PLCL1: variants seen among roughly 807,000 people sequenced by gnomAD.
PLCL1 encodes the protein inactive phospholipase C-like protein 1.
In PLCL1, 41 loss-of-function variants were observed where a neutral mutation model predicts 84.4. That is an observed-to-expected ratio of 0.49 (90% CI 0.38 to 0.63). The LOEUF is 0.63. Ranked by LOEUF, PLCL1 falls within the 30% of genes least tolerant of loss-of-function variation. PLCL1 has a pLI of 0.00. For synonymous variants in PLCL1, 490 were observed against 488.3 expected (o/e 1.00, Z -0.05); for missense variants, 1,206 against 1,367.8 (o/e 0.88, Z 1.87).
At chr2:197,914,745 T>C (rs145737267) in intron 1 of PLCL1, among the ~76,000 whole-genome samples, 5 of 152,322 alleles carry the variant, frequency 3.3e-5, no homozygotes, top group Admixed American at 6.5e-5. Context: ...TAAACAGTTA[T>C]TGAATACCTA....
chr2:198,056,890 A>AAAAG (rs562517624), intron 1 of PLCL1, among the ~76,000 whole-genome samples: 166 of 152,302 alleles, frequency 1.1e-3, no homozygotes, highest in African/African-American at 3.8e-3. Context: ...CAGCAATGGC[A>AAAAG]AAAGATGAAT....
rs1214080087 is a variant in PLCL1, at chr2:198,089,080, A to G, written c.2919+19A>G. 5 of 1,586,992 alleles carry G rather than the reference A, an allele frequency of 3.2e-6. No homozygotes were observed. Among genetic ancestry groups the G allele is most frequent in the East Asian group, 2.2e-5 (1 of 44,782 alleles). ...TGATCTGGTAGGAAATTGCGACTCC[A>G]TATTTTTTTACGTGTGTGTGTGTGT... On this transcript the variant is annotated intron_variant, in intron 3 of 5. Coordinates refer to ENST00000428675, the MANE Select transcript of PLCL1 (RefSeq NM_006226.4).
intron 1 of PLCL1, among the ~76,000 whole-genome samples, chr2:197,924,760 T>TA (rs1688802249): frequency 2.0e-5 from 3 of 152,140 alleles, no homozygotes; most frequent in African/African-American, 7.2e-5. Context: ...AGTAGGAACG[T>TA]ATTCATTATA....
At chr2:198,071,085 G>T in intron 1 of PLCL1, 1 of 349,290 alleles carries the variant, frequency 2.9e-6, no homozygotes, top group Non-Finnish European at 3.8e-6. Context: ...TCTGTTATCT[G>T]CTTTTTAAGT....
At chr2:198,093,317 G>C (rs1379235499) in intron 3 of PLCL1, among the ~76,000 whole-genome samples, 1 of 152,196 alleles carries the variant, frequency 6.6e-6, no homozygotes, top group Non-Finnish European at 1.5e-5. Flanking sequence ...TGTATCAATA[G>C]TGGCTTGTCA....
chr2:197,899,635 C>CT (rs200198349), intron 1 of PLCL1, among the ~76,000 whole-genome samples: 96,203 of 138,650 alleles, frequency 0.69, 34,522 homozygotes, highest in African/African-American at 0.85. Flanking sequence ...TGAGTTCTTT[C>CT]TTTCTTTTTT....
chr2:198,143,540 T>C (rs1210934481), intron 5 of PLCL1, among the ~76,000 whole-genome samples: 1 of 151,836 alleles, frequency 6.6e-6, no homozygotes, highest in Non-Finnish European at 1.5e-5. Flanking sequence ...AGTTTGGGGG[T>C]GTTTGTGACA....
chr2:197,807,611 A>G (rs1225744842), intron 1 of PLCL1, among the ~76,000 whole-genome samples: 2 of 152,194 alleles, frequency 1.3e-5, no homozygotes, highest in Non-Finnish European at 2.9e-5. Flanking sequence ...GTTTCCAAAA[A>G]AAGTTTAGAT....
At chr2:197,920,313 G>T (rs1688679124) in intron 1 of PLCL1, among the ~76,000 whole-genome samples, 1 of 151,784 alleles carries the variant, frequency 6.6e-6, no homozygotes. Flanking sequence ...TTTTGATGTT[G>T]AGTGGTTTGT....
chr2:198,050,229 T>TC (rs1297385832), intron 1 of PLCL1, among the ~76,000 whole-genome samples: 1 of 152,180 alleles, frequency 6.6e-6, no homozygotes, highest in African/African-American at 2.4e-5. Context: ...CTGTTTTTTT[T>TC]CTGTACGTTT....
chr2:197,978,379 A>T (rs1320095372), intron 1 of PLCL1, among the ~76,000 whole-genome samples: 1 of 152,194 alleles, frequency 6.6e-6, no homozygotes, highest in African/African-American at 2.4e-5. Context: ...CGGGAGGCTG[A>T]GGCAGGAGAA....
At chr2:197,940,165 G>T (rs917403744) in intron 1 of PLCL1, among the ~76,000 whole-genome samples, 1 of 152,118 alleles carries the variant, frequency 6.6e-6, no homozygotes, top group Non-Finnish European at 1.5e-5. Context: ...TATATTTAAT[G>T]ATGTAGTATT....
intron 1 of PLCL1, among the ~76,000 whole-genome samples, chr2:197,854,800 A>G (rs568303123): frequency 4.6e-5 from 7 of 152,294 alleles, no homozygotes; most frequent in African/African-American, 1.7e-4. Context: ...TGAATTAATT[A>G]TGGAGGGTCT....
intron 1 of PLCL1, among the ~76,000 whole-genome samples, chr2:197,915,766 C>A (rs188550860): frequency 1.3e-5 from 2 of 152,282 alleles, no homozygotes; most frequent in East Asian, 3.9e-4. Flanking sequence ...ATTTCCCTTT[C>A]ATCTCAAAGC....
rs997592341 is a variant in PLCL1 at position 198,142,505 on chromosome 2, A to G, written c.3106-4275A>G. Among the ~76,000 whole-genome samples the G allele has an allele frequency of 2.6e-5, 4 of 152,188 alleles. No homozygotes were observed. In the East Asian group the frequency reaches 7.7e-4, roughly 29 times the overall value. ...TTAATTATAATTTAATGCAGTTGGA[A>G]AGATTTAATAAGGAATGCTTAATGT... On this transcript the variant is annotated intron_variant, in intron 5 of 5. Coordinates refer to ENST00000428675, the MANE Select transcript of PLCL1 (RefSeq NM_006226.4).
intron 1 of PLCL1, among the ~76,000 whole-genome samples, chr2:197,877,618 G>T (rs1382297977): frequency 6.6e-6 from 1 of 152,030 alleles, no homozygotes; most frequent in Non-Finnish European, 1.5e-5. Context: ...CCAATTAGTA[G>T]CCTAATGATC....
At chr2:197,953,385 C>A (rs757208224) in intron 1 of PLCL1, among the ~76,000 whole-genome samples, 1 of 152,052 alleles carries the variant, frequency 6.6e-6, no homozygotes, top group Non-Finnish European at 1.5e-5. Flanking sequence ...CCCAAGGGAA[C>A]AGAAAACCTC....
chr2:197,903,648 T>G (rs1688315640), intron 1 of PLCL1, among the ~76,000 whole-genome samples: 1 of 28,654 alleles, frequency 3.5e-5, no homozygotes, highest in African/African-American at 1.5e-4. Context: ...CACGCCCAGC[T>G]ATTTTTTTTT....
intron 1 of PLCL1, among the ~76,000 whole-genome samples, chr2:198,008,120 A>C (rs1215711430): frequency 6.6e-6 from 1 of 152,130 alleles, no homozygotes; most frequent in East Asian, 1.9e-4. Context: ...TTTGACTTAA[A>C]ATCACAATGA....
Sources: gnomAD v4.1 joint callset for allele counts (sites outside exome capture counted in the v4.1 genomes callset) on GRCh38, gnomAD v4.1.1 for gene constraint, MANE v1.5 for transcripts, NCBI Gene and HGNC (gene_info 2026-07-23, HGNC 2026-07-21) for gene names.